The following ACVR1 variants were observed in gnomAD, a reference collection of about 807,000 sequenced individuals.
The protein encoded by ACVR1 is activin receptor type-1.
A neutral mutation model predicts 57.1 loss-of-function variants in ACVR1; 38 were observed. That is an observed-to-expected ratio of 0.67 (90% CI 0.51 to 0.87). ACVR1 has a LOEUF of 0.87. Among genes scored for constraint, ACVR1 ranks in the 40% least tolerant of loss-of-function variants. ACVR1 has a pLI of 0.00. For synonymous variants in ACVR1, 212 were observed against 228.1 expected (o/e 0.93, Z 0.63); for missense variants, 463 against 638.2 (o/e 0.73, Z 2.96).
intron 3 of ACVR1, among the ~76,000 whole-genome samples, chr2:157,780,910 T>A (rs563658896): frequency 5.9e-5 from 9 of 152,340 alleles, no homozygotes; most frequent in African/African-American, 2.2e-4. Context: ...GGTGTTCATA[T>A]AACCTTCAGC....
intron 5 of ACVR1, among the ~76,000 whole-genome samples, chr2:157,775,576 G>A (rs1686250183): frequency 6.6e-6 from 1 of 152,144 alleles, no homozygotes; most frequent in Non-Finnish European, 1.5e-5. Flanking sequence ...ACCAAAAGCT[G>A]AGCATCCAAC....
At chr2:157,781,203 G>A (rs1347686221) in intron 3 of ACVR1, among the ~76,000 whole-genome samples, 1 of 152,164 alleles carries the variant, frequency 6.6e-6, no homozygotes, top group Non-Finnish European at 1.5e-5. Flanking sequence ...CTGGATTGGG[G>A]AATAGTTGTA....
At chr2:157,837,171 T>G (rs967535262) in intron 1 of ACVR1, among the ~76,000 whole-genome samples, 2 of 152,220 alleles carry the variant, frequency 1.3e-5, no homozygotes, top group Admixed American at 1.3e-4. Context: ...TCAAAGTAAT[T>G]TAAATTTTAC....
At chr2:157,768,701 A>G (rs573563472) in intron 7 of ACVR1, among the ~76,000 whole-genome samples, 13 of 152,244 alleles carry the variant, frequency 8.5e-5, no homozygotes, top group Non-Finnish European at 1.3e-4. Context: ...CTTTTATAGA[A>G]TGTTTGTGTT....
rs992966383 is a variant in ACVR1, at chr2:157,770,599, C to T, written c.644-85G>A. On this transcript the variant is annotated intron_variant, in intron 6 of 10. Transcript: ENST00000434821. ...ATCATTAAGAATAATTAATTTAGTG[C>T]ATGCAACTCTTAATCCCTCCATTGC... 8 of 1,354,054 alleles carry T rather than the reference C, an allele frequency of 5.9e-6. No homozygotes were observed. The African/African-American group carries it at 1.1e-4, about 19-fold the overall frequency. 83.9% of individuals were successfully genotyped at this position (1,354,054 alleles called of 1,614,324 possible). A position where few individuals can be genotyped will look rare whatever the true frequency, so the allele number is the denominator to read the frequency against.
intron 1 of ACVR1, among the ~76,000 whole-genome samples, chr2:157,828,358 G>C (rs1472740361): frequency 1.3e-5 from 2 of 150,268 alleles, no homozygotes; most frequent in African/African-American, 2.4e-5. Flanking sequence ...ACTGAGGCGG[G>C]AGAATCGATT....
intron 3 of ACVR1, among the ~76,000 whole-genome samples, chr2:157,793,893 C>G (rs1202869113): frequency 1.3e-5 from 2 of 152,154 alleles, no homozygotes; most frequent in Admixed American, 6.5e-5. Flanking sequence ...GCTGGAAAGT[C>G]TGAGTAGTGA....
chr2:157,814,878 G>A (rs551851470), intron 2 of ACVR1, among the ~76,000 whole-genome samples: 2 of 152,336 alleles, frequency 1.3e-5, no homozygotes, highest in South Asian at 4.1e-4. Flanking sequence ...GAGGTCAGGA[G>A]ATCGTGACCA....
intron 1 of ACVR1, among the ~76,000 whole-genome samples, chr2:157,839,466 C>T (rs1355511541): frequency 6.6e-6 from 1 of 152,228 alleles, no homozygotes; most frequent in Non-Finnish European, 1.5e-5. Flanking sequence ...CCTCCCCTCT[C>T]CCCAGCCCCA....
At chr2:157,744,931 A>G (rs1313751843) in intron 9 of ACVR1, among the ~76,000 whole-genome samples, 1 of 152,220 alleles carries the variant, frequency 6.6e-6, no homozygotes, top group African/African-American at 2.4e-5. Context: ...TCTTCCTGAA[A>G]ACAGGAGTTG....
chr2:157,738,410 G>A, intron 10 of ACVR1, 30 bp downstream of exon 10: 1 of 1,613,900 alleles, frequency 6.2e-7, no homozygotes, highest in African/African-American at 1.3e-5. Flanking sequence ...ATGGAAAAGA[G>A]CTCTAAAACT....
intron 2 of ACVR1, among the ~76,000 whole-genome samples, chr2:157,802,326 A>C (rs1166775649): frequency 6.6e-6 from 1 of 152,138 alleles, no homozygotes; most frequent in South Asian, 2.1e-4. Context: ...GGCAAACCTC[A>C]GGATTGAAAA....
intron 2 of ACVR1, among the ~76,000 whole-genome samples, chr2:157,805,998 T>C (rs1687531386): frequency 6.6e-6 from 1 of 151,790 alleles, no homozygotes; most frequent in Admixed American, 6.6e-5. Context: ...TAATTATTTT[T>C]GTATTTTTTG....
At chr2:157,818,735 T>G (rs1289133360) in intron 1 of ACVR1, among the ~76,000 whole-genome samples, 176 bp from the exon 2 acceptor site, 1 of 152,126 alleles carries the variant, frequency 6.6e-6, no homozygotes, top group East Asian at 1.9e-4. Context: ...AGGAAGAGTG[T>G]GGAGGTTATG....
In ACVR1 at chr2:157,818,546, A is replaced by AC. The variant is rs1407065907; in HGVS notation, c.-170dup. On this transcript the variant is annotated 5_prime_UTR_variant, in exon 2 of 11. Coordinates refer to ENST00000434821, the MANE Select transcript of ACVR1 (RefSeq NM_001111067.4). The stretch of plus-strand genomic sequence containing the variant: ...CTCTCACTTTGGCAGTGTGACGCTT[A>AC]CCAATGCTCCAGGCTGCAGAGGGAA... The AC allele has an allele frequency of 6.6e-6, 1 of 152,286 alleles. No individual in the cohort carries two copies. The highest frequency in any genetic ancestry group is 1.5e-5 in the Non-Finnish European group (1 of 68,084). The allele number at this position is 152,286 out of a possible 1,614,324, so 9.4% of individuals were successfully genotyped here. A position where few individuals can be genotyped will look rare whatever the true frequency, so the allele number is the denominator to read the frequency against.
At chr2:157,801,286 C>T (rs757120613) in intron 2 of ACVR1, among the ~76,000 whole-genome samples, 3 of 152,138 alleles carry the variant, frequency 2.0e-5, no homozygotes, top group Admixed American at 1.3e-4. Flanking sequence ...TTACAGAGTA[C>T]AACCATGTAC....
chr2:157,835,659 C>A (rs1265275292), intron 1 of ACVR1, among the ~76,000 whole-genome samples: 1 of 152,138 alleles, frequency 6.6e-6, no homozygotes, highest in East Asian at 1.9e-4. Flanking sequence ...AATTTCTTTA[C>A]CTCAATAATG....
chr2:157,738,365 C>T (rs1009067778), intron 10 of ACVR1, 75 bp downstream of exon 10: 3 of 1,600,616 alleles, frequency 1.9e-6, no homozygotes, highest in African/African-American at 2.7e-5. Flanking sequence ...AGATGCAATA[C>T]CAGTTGAAAC....
Position 157,774,198 on chromosome 2 carries a change from A to C in ACVR1, c.544-11T>G. The C allele has an allele frequency of 6.2e-7, 1 of 1,610,476 alleles. No homozygotes were observed. The highest frequency in any genetic ancestry group is 1.3e-5 in the African/African-American group (1 of 74,988). On this transcript the variant is annotated splice_polypyrimidine_tract_variant and intron_variant, in intron 5 of 10. Coordinates refer to ENST00000434821, the MANE Select transcript of ACVR1 (RefSeq NM_001111067.4). ...ATGATCCAATAAATCCTGTGGTTTA[A>C]GACAAGGGGGAAAAGAAACGATTGA... is the stretch of plus-strand genomic sequence containing the variant.
Sources: gnomAD v4.1 joint callset for allele counts (sites outside exome capture counted in the v4.1 genomes callset) on GRCh38, gnomAD v4.1.1 for gene constraint, MANE v1.5 for transcripts, NCBI Gene and HGNC (gene_info 2026-07-23, HGNC 2026-07-21) for gene names.